KIF3A: variants seen among roughly 807,000 people sequenced by gnomAD.
KIF3A encodes kinesin-like protein KIF3A.
In KIF3A, 27 loss-of-function variants were observed where a neutral mutation model predicts 92.6. The ratio of observed to expected loss-of-function variants is 0.29; its 90% CI spans 0.21 to 0.40. The LOEUF (loss-of-function observed/expected upper bound fraction) is 0.40. Ranked by LOEUF, KIF3A falls within the 10% of genes least tolerant of loss-of-function variation. The pLI, the probability that KIF3A is intolerant of heterozygous loss-of-function variation, is 1.00. For missense variants in KIF3A, 581 were observed against 872.6 expected (o/e 0.67, Z 4.21); for synonymous variants, 250 against 275.4 (o/e 0.91, Z 0.92).
At chr5:132,689,196 C>T (rs1260884886), downstream of KIF3A, among the ~76,000 whole-genome samples, 1 of 152,176 alleles carries the variant, frequency 6.6e-6, no homozygotes, top group African/African-American at 2.4e-5. Context: ...CAGCTTAAGA[C>T]AGAGAAATTG....
At chr5:132,699,399 G>T in intron 17 of KIF3A, 104 bp from the exon 18 acceptor site, 1 of 1,166,804 alleles carries the variant, frequency 8.6e-7, no homozygotes, top group Non-Finnish European at 1.2e-6. Flanking sequence ...CAAACCCACA[G>T]AAGCTAAAAC....
At chr5:132,726,833 C>T (rs1478257667) in intron 2 of KIF3A, among the ~76,000 whole-genome samples, 3 of 152,138 alleles carry the variant, frequency 2.0e-5, no homozygotes, top group Non-Finnish European at 2.9e-5. Context: ...CTGGAGAAGG[C>T]AGTATAAGCA....
In KIF3A at chr5:132,708,932, C is replaced by T. The variant is rs1303489012; in HGVS notation, c.1275G>A (p.Glu425=). ...TAGGCAAGAACTTATCCAGAGGTTT[C>T]TCTATGACAGAACATGTGGAGTCTG... is the stretch of plus-strand genomic sequence containing the variant. ...SSSDSTCSVI[E]KPLDKFLPNQ... The change falls in exon 10 of 19, where the codon GAG becomes GAA. Residue 425 remains glutamate, a synonymous_variant. Coordinates refer to ENST00000403231, the MANE Select transcript of KIF3A (RefSeq NM_001300791.2). The T allele has an allele frequency of 9.0e-6, 14 of 1,550,128 alleles. No homozygotes were observed. The East Asian group carries it at 3.4e-4, about 38-fold the overall frequency.
At chr5:132,720,563 C>G in intron 5 of KIF3A, 46 bp downstream of exon 5, 1 of 1,259,972 alleles carries the variant, frequency 7.9e-7, no homozygotes, top group South Asian at 1.3e-5. Context: ...CTAAACCAGC[C>G]TACTCAACAC....
intron 7 of KIF3A, 119 bp downstream of exon 7, chr5:132,716,126 A>AC (rs1336963791): frequency 1.7e-5 from 16 of 936,994 alleles, no homozygotes; most frequent in Non-Finnish European, 2.1e-5. Flanking sequence ...AAAAAGGACA[A>AC]CCACAAGTCA....
chr5:132,737,109 G>A (rs1056016982), intron 1 of KIF3A, among the ~76,000 whole-genome samples: 39 of 152,248 alleles, frequency 2.6e-4, no homozygotes, highest in Non-Finnish European at 7.3e-5. Flanking sequence ...CGCTCAGCAG[G>A]AAGGGCTGCG....
At chr5:132,691,690 G>A (rs894397252), downstream of KIF3A, among the ~76,000 whole-genome samples, 2 of 151,958 alleles carry the variant, frequency 1.3e-5, no homozygotes, top group Admixed American at 1.3e-4. Context: ...ATCACCTGAG[G>A]TCAGGAGTTC....
At position 132,693,335 on chromosome 5, in the gene KIF3A, T is replaced by A. The variant is rs2149887232; in HGVS notation, c.*3299A>T. 1 of 152,514 alleles carries A rather than the reference T, an allele frequency of 6.6e-6. No individual in the cohort carries two copies. 9.4% of individuals were successfully genotyped at this position (152,514 alleles called of 1,614,324 possible). On this transcript the variant is annotated 3_prime_UTR_variant, in exon 19 of 19. Transcript: ENST00000403231. ...AGGAAACACGATGATAATTTTAACA[T>A]CCTATTAGTATATGTAATTGTAAGG... is the stretch of plus-strand genomic sequence containing the variant.
At chr5:132,705,373 T>C (rs1753175399) in intron 11 of KIF3A, among the ~76,000 whole-genome samples, 1 of 151,938 alleles carries the variant, frequency 6.6e-6, no homozygotes, top group South Asian at 2.1e-4. Context: ...ATGAAGACAC[T>C]GATGCTAACA....
chr5:132,726,059 G>T (rs1259937364), intron 4 of KIF3A, 69 bp downstream of exon 4: 20 of 1,096,560 alleles, frequency 1.8e-5, no homozygotes, highest in Non-Finnish European at 2.5e-5. Context: ...AAAAAAGAAG[G>T]GGGACCTTAA....
intron 1 of KIF3A, among the ~76,000 whole-genome samples, chr5:132,737,190 C>T (rs1433338446): frequency 1.3e-5 from 2 of 152,232 alleles, no homozygotes; most frequent in Non-Finnish European, 2.9e-5. Flanking sequence ...GCAGCAGCGA[C>T]GAGGGCGGCA....
At chr5:132,729,358 G>A (rs1055178196) in intron 2 of KIF3A, among the ~76,000 whole-genome samples, 3 of 152,004 alleles carry the variant, frequency 2.0e-5, no homozygotes, top group East Asian at 1.9e-4. Context: ...AGGCTGAAGC[G>A]AGAGAATCAC....
chr5:132,722,456 G>A (rs373800287), intron 4 of KIF3A, among the ~76,000 whole-genome samples: 1 of 152,110 alleles, frequency 6.6e-6, no homozygotes, highest in East Asian at 1.9e-4. Flanking sequence ...TGGTTCACTT[G>A]AGGACACTGT....
intron 8 of KIF3A, among the ~76,000 whole-genome samples, chr5:132,713,484 C>T (rs149137126): frequency 6.6e-6 from 1 of 152,172 alleles, no homozygotes; most frequent in African/African-American, 2.4e-5. Flanking sequence ...TATTTTAATG[C>T]TATTGCCTAC....
At chr5:132,729,706 G>C (rs564884392) in intron 2 of KIF3A, among the ~76,000 whole-genome samples, 3 of 152,196 alleles carry the variant, frequency 2.0e-5, no homozygotes, top group Admixed American at 1.3e-4. Context: ...ACATGAAAAT[G>C]AAAACATAGT....
chr5:132,726,556 C>G (rs1754040993), intron 2 of KIF3A, 58 bp from the exon 3 acceptor site: 1 of 1,442,554 alleles, frequency 6.9e-7, no homozygotes, highest in Non-Finnish European at 9.6e-7. Context: ...AGAACAATAG[C>G]TCTTAAAATT....
intron 8 of KIF3A, among the ~76,000 whole-genome samples, chr5:132,713,359 TG>T (rs1489884709): frequency 2.0e-5 from 3 of 152,216 alleles, no homozygotes; most frequent in African/African-American, 7.2e-5. Flanking sequence ...AACTGTTGTA[TG>T]CTTATAAAAA....
rs968527820 is a variant in KIF3A at position 132,694,696 on chromosome 5, A to T, written c.*1938T>A. On this transcript the variant is annotated 3_prime_UTR_variant, in exon 19 of 19. Transcript: ENST00000403231. ...CTAACAGAGTTAAATGTGTATCATC[A>T]AAAACATTTTATAATTACCAAAATA... 7 of 152,358 alleles carry T rather than the reference A, an allele frequency of 4.6e-5. No individual in the cohort carries two copies. Among genetic ancestry groups the T allele is most frequent in the African/African-American group, 1.7e-4 (7 of 41,454 alleles). 9.4% of individuals were successfully genotyped at this position (152,358 alleles called of 1,614,324 possible).
chr5:132,713,015 G>A (rs1001024866), intron 8 of KIF3A, among the ~76,000 whole-genome samples: 1 of 152,162 alleles, frequency 6.6e-6, no homozygotes, highest in Non-Finnish European at 1.5e-5. Context: ...AAAATTAGCT[G>A]GGCGAGGTGG....
Sources: gnomAD v4.1 joint callset for allele counts (sites outside exome capture counted in the v4.1 genomes callset) on GRCh38, gnomAD v4.1.1 for gene constraint, MANE v1.5 for transcripts, NCBI Gene and HGNC (gene_info 2026-07-23, HGNC 2026-07-21) for gene names.